Variants in BCLAF3 observed in about 807,000 individuals in gnomAD.
BCLAF3 encodes BCLAF1 and THRAP3 family member 3, also known as transient octamer binding factor 1.
A neutral mutation model predicts 51.2 loss-of-function variants in BCLAF3; 24 were observed. The observed-to-expected ratio is 0.47, with a 90% confidence interval of 0.34 to 0.66. The LOEUF (loss-of-function observed/expected upper bound fraction) is 0.66. Among genes scored for constraint, BCLAF3 ranks in the 30% least tolerant of loss-of-function variants. BCLAF3 has a pLI of 0.01. For synonymous variants in BCLAF3, 152 were observed against 176.6 expected, an observed-to-expected ratio of 0.86 and a Z score of 1.10; for missense variants, 465 against 525.1, an observed-to-expected ratio of 0.89 and a Z score of 1.12.
chrX:19,944,418 GTTCCT>G (rs1185643017), intron 8 of BCLAF3, among the ~76,000 whole-genome samples: 17 of 47,997 alleles, frequency 3.5e-4, no homozygotes, highest in Non-Finnish European at 5.1e-4. Context: ...GGTACCGGTT[GTTCCT>G]TTCCATGTTT....
At chrX:19,956,443 T>G (rs772455750) in intron 4 of BCLAF3, among the ~76,000 whole-genome samples, 35 of 111,683 alleles carry the variant, frequency 3.1e-4, no homozygotes, top group Non-Finnish European at 4.1e-4. Context: ...AATGGATGTC[T>G]TGGTTGCTTT....
chrX:19,918,290 T>C (rs1156976703), intron 11 of BCLAF3, among the ~76,000 whole-genome samples: 1 of 111,305 alleles, frequency 9.0e-6, no homozygotes, highest in Non-Finnish European at 1.9e-5. Flanking sequence ...CATTGTATCC[T>C]AGTTCTTTAC....
chrX:19,978,700 T>C (rs1204177894), intron 1 of BCLAF3, among the ~76,000 whole-genome samples: 2 of 111,958 alleles, frequency 1.8e-5, no homozygotes, highest in Non-Finnish European at 3.8e-5. Flanking sequence ...TTGATGGAAG[T>C]GCTACTGTGA....
intron 11 of BCLAF3, among the ~76,000 whole-genome samples, chrX:19,920,837 A>G (rs2070127021): frequency 1.8e-5 from 2 of 109,298 alleles, no homozygotes; most frequent in South Asian, 7.8e-4. Flanking sequence ...AAAAAAAAAA[A>G]TGCTTAGCGA....
intron 7 of BCLAF3, among the ~76,000 whole-genome samples, chrX:19,952,482 G>A (rs927936419): frequency 6.4e-5 from 7 of 110,119 alleles, no homozygotes; most frequent in Non-Finnish European, 1.3e-4. Flanking sequence ...GGGTGGGAAC[G>A]ACACACATGA....
intron 11 of BCLAF3, among the ~76,000 whole-genome samples, chrX:19,924,121 C>T (rs904820990): frequency 2.7e-5 from 3 of 110,996 alleles, no homozygotes; most frequent in Non-Finnish European, 5.7e-5. Flanking sequence ...TTTAAACATG[C>T]TAAATTTGAG....
rs770109478 is a variant in BCLAF3 at position 19,935,835 on chromosome X, G to A, written c.1924C>T (p.Arg642Ter). The A allele has an allele frequency of 4.1e-6, 5 of 1,206,430 alleles. No homozygotes were observed. The highest frequency in any genetic ancestry group is 1.8e-5 in the South Asian group (1 of 56,618). ...TTAAAAGGTCTTACTCTTGTGTTTCGGTGGTTTCCCTCAACCTCAAATGGT... is the reference window on the plus strand; with the variant it reads ...TTAAAAGGTCTTACTCTTGTGTTTCAGTGGTTTCCCTCAACCTCAAATGGT... ...HKPFEVEGNH[R>*]NTRVRPFKSN... Residue 642 changes from arginine (R) to a stop codon, truncating the protein, a stop_gained, in exon 10 of 12, where the codon CGA (arginine) becomes TGA (stop). Transcript: ENST00000379682. LOFTEE classifies it high-confidence loss of function.
intron 10 of BCLAF3, among the ~76,000 whole-genome samples, chrX:19,934,369 C>T (rs1426152497): frequency 8.9e-6 from 1 of 112,167 alleles, no homozygotes; most frequent in Non-Finnish European, 1.9e-5. Flanking sequence ...GAAAGCCCAT[C>T]TATGTTGTCT....
At chrX:19,963,831 G>C (rs2071946527) in intron 4 of BCLAF3, among the ~76,000 whole-genome samples, 1 of 110,213 alleles carries the variant, frequency 9.1e-6, no homozygotes. Flanking sequence ...CTGGGCAACA[G>C]AGCAAGATTC....
At chrX:19,939,255 C>T (rs1035432930) in intron 8 of BCLAF3, among the ~76,000 whole-genome samples, 3 of 111,564 alleles carry the variant, frequency 2.7e-5, no homozygotes, top group African/African-American at 9.8e-5. Context: ...TTAGGAATGC[C>T]TTATATTTTT....
intron 8 of BCLAF3, among the ~76,000 whole-genome samples, chrX:19,943,533 C>G (rs2071126433): frequency 1.2e-5 from 1 of 84,928 alleles, no homozygotes; most frequent in Non-Finnish European, 2.2e-5. Context: ...CGTTATGTAC[C>G]CAGTAGTCAT....
At chrX:19,929,382 GT>G (rs1443952726) in intron 11 of BCLAF3, 1 of 113,189 alleles carries the variant, frequency 8.8e-6, no homozygotes, top group Non-Finnish European at 1.8e-5. Context: ...AAAAGAGTTA[GT>G]GTATTTTGCA....
chrX:19,932,688 C>A (rs956710019), intron 10 of BCLAF3, among the ~76,000 whole-genome samples: 4 of 109,375 alleles, frequency 3.7e-5, no homozygotes, highest in Non-Finnish European at 5.7e-5. Context: ...CATGCCATCA[C>A]GCCCAGCTAA....
At chrX:19,938,205 G>C (rs981203503) in intron 8 of BCLAF3, among the ~76,000 whole-genome samples, 1 of 110,706 alleles carries the variant, frequency 9.0e-6, no homozygotes, top group African/African-American at 3.3e-5. Context: ...GTCACATCCT[G>C]CATCTCTCTA....
chrX:19,970,420 A>C (rs2072219560), intron 1 of BCLAF3, 122 bp from the exon 2 acceptor site: 2 of 517,848 alleles, frequency 3.9e-6, no homozygotes, highest in African/African-American at 2.3e-5. Flanking sequence ...TCTAACATGG[A>C]AATGATAATA....
At chrX:19,980,003 T>C (rs1311774415) in intron 1 of BCLAF3, among the ~76,000 whole-genome samples, 1 of 111,254 alleles carries the variant, frequency 9.0e-6, no homozygotes, top group Admixed American at 9.6e-5. Flanking sequence ...AGAAAAAAAC[T>C]AATATTCATA....
chrX:19,936,656 G>A (rs1036157913), intron 9 of BCLAF3, among the ~76,000 whole-genome samples: 1 of 111,590 alleles, frequency 9.0e-6, no homozygotes, highest in African/African-American at 3.3e-5. Flanking sequence ...GGTAAAGGAT[G>A]AGATTTTACT....
In BCLAF3 at chrX:19,975,636, G is replaced by A. The variant is rs190452467; in HGVS notation, c.-34-5338C>T. ...TAGGATTACAGGCGTGAGCCACTGCGCCCGGCCCATGCCCAGCTAATTTTT... is the reference window on the plus strand; with the variant it reads ...TAGGATTACAGGCGTGAGCCACTGCACCCGGCCCATGCCCAGCTAATTTTT... On this transcript the variant is annotated intron_variant, in intron 1 of 11. Coordinates refer to ENST00000379682, the MANE Select transcript of BCLAF3 (RefSeq NM_001367774.2). Among the ~76,000 whole-genome samples the A allele has an allele frequency of 2.9e-4, 33 of 112,007 alleles. 2 individuals carry two copies. Among genetic ancestry groups the A allele is most frequent in the Admixed American group, 2.7e-3 (29 of 10,570 alleles).
At chrX:19,950,039 G>T (rs962273598) in intron 8 of BCLAF3, among the ~76,000 whole-genome samples, 5 of 111,536 alleles carry the variant, frequency 4.5e-5, no homozygotes, top group Non-Finnish European at 9.4e-5. Context: ...ATCTACTGAG[G>T]ATCTATTTGC....
Sources: gnomAD v4.1 joint callset for allele counts (sites outside exome capture counted in the v4.1 genomes callset) on GRCh38, gnomAD v4.1.1 for gene constraint, MANE v1.5 for transcripts, NCBI Gene and HGNC (gene_info 2026-07-23, HGNC 2026-07-21) for gene names.